DLGAP2: variants seen among roughly 807,000 people sequenced by gnomAD.
DLGAP2 encodes the protein DLG associated protein 2.
In DLGAP2, 26 loss-of-function variants were observed where a neutral mutation model predicts 100.3. The ratio of observed to expected loss-of-function variants is 0.26; its 90% CI spans 0.19 to 0.36. DLGAP2 has a LOEUF of 0.36. DLGAP2 is among the 10% of genes least tolerant of loss of function. The probability of loss-of-function intolerance (pLI) is 1.00; values close to 1 mark genes in which losing one functional copy is unlikely to be tolerated. For missense variants in DLGAP2, 1,858 were observed against 1,453.2 expected (o/e 1.28, Z -4.53); for synonymous variants, 886 against 630.1 (o/e 1.41, Z -6.08).
At chr8:1,479,032 C>G (rs919569599) in intron 3 of DLGAP2, among the ~76,000 whole-genome samples, 1 of 152,256 alleles carries the variant, frequency 6.6e-6, no homozygotes, top group Admixed American at 6.5e-5. Context: ...CTGAAACAAT[C>G]GAAAGGAGCA....
At chr8:803,095 T>C (rs914073763) in intron 1 of DLGAP2, among the ~76,000 whole-genome samples, 6 of 152,152 alleles carry the variant, frequency 3.9e-5, no homozygotes, top group Non-Finnish European at 8.8e-5. Flanking sequence ...TGGTGGCGGC[T>C]TCTGGGCTCC....
chr8:1,703,155 C>CT lies in DLGAP2; in HGVS notation c.*1755dup, dbSNP rs1563073119. On this transcript the variant is annotated 3_prime_UTR_variant, in exon 15 of 15. Transcript: ENST00000637795. ...AAGCATGTTTAGCTTCGAAGTTTTA[C>CT]TTTTTTAAAGCTGAGTAGTTAAGAA... 6.6e-6 allele frequency: 1 copy of CT among 152,582 alleles called. No individual in the cohort carries two copies. The highest frequency in any genetic ancestry group is 2.4e-5 in the African/African-American group (1 of 41,420). The allele number at this position is 152,582 out of a possible 1,614,324, so 9.5% of individuals were successfully genotyped here. A position where few individuals can be genotyped will look rare whatever the true frequency, so the allele number is the denominator to read the frequency against.
At chr8:1,200,206 T>C (rs1302988295) in intron 2 of DLGAP2, among the ~76,000 whole-genome samples, 2 of 152,166 alleles carry the variant, frequency 1.3e-5, no homozygotes, top group Admixed American at 6.5e-5. Context: ...GCACCGGGTG[T>C]CACCTTCCTC....
chr8:774,624 G>C (rs1213247486), intron 1 of DLGAP2, among the ~76,000 whole-genome samples: 1 of 150,756 alleles, frequency 6.6e-6, no homozygotes, highest in South Asian at 2.1e-4. Context: ...CCCATTGCTT[G>C]TTTTTCTCAG....
At chr8:871,826 C>G (rs937643982) in intron 1 of DLGAP2, among the ~76,000 whole-genome samples, 1 of 152,172 alleles carries the variant, frequency 6.6e-6, no homozygotes, top group South Asian at 2.1e-4. Context: ...TGGCGTCTCA[C>G]AGAGAAAGGT....
intron 3 of DLGAP2, among the ~76,000 whole-genome samples, chr8:1,482,065 A>T (rs1284317830): frequency 3.9e-5 from 6 of 152,238 alleles, no homozygotes. Context: ...CTGGAAAATC[A>T]CCATGCTCAC....
chr8:810,336 T>C (rs1796348901), intron 1 of DLGAP2, among the ~76,000 whole-genome samples: 1 of 152,262 alleles, frequency 6.6e-6, no homozygotes, highest in East Asian at 1.9e-4. Context: ...TAGTCATTAA[T>C]TAAAATATTA....
chr8:994,953 G>C (rs1177684570), intron 2 of DLGAP2, among the ~76,000 whole-genome samples: 2 of 152,078 alleles, frequency 1.3e-5, no homozygotes, highest in Non-Finnish European at 2.9e-5. Context: ...GGCATCACGG[G>C]GGCAGGGCAC....
chr8:1,087,150 G>C (rs1200974973), intron 2 of DLGAP2, among the ~76,000 whole-genome samples: 1 of 152,178 alleles, frequency 6.6e-6, no homozygotes, highest in Non-Finnish European at 1.5e-5. Context: ...GTGCAGAAAA[G>C]AGAAATTAAT....
At chr8:1,174,257 CCCATCACCA>C (rs1041628968) in intron 2 of DLGAP2, among the ~76,000 whole-genome samples, 7 of 152,022 alleles carry the variant, frequency 4.6e-5, no homozygotes, top group African/African-American at 9.7e-5. Flanking sequence ...TACCCACATA[CCCATCACCA>C]CCATCACCAC....
intron 2 of DLGAP2, among the ~76,000 whole-genome samples, chr8:1,108,965 G>A (rs1169239134): frequency 7.0e-6 from 1 of 142,466 alleles, no homozygotes; most frequent in Non-Finnish European, 1.5e-5. Context: ...GGTCTGTGAG[G>A]TGTGTACGGG....
At chr8:852,790 A>G (rs1050884209) in intron 1 of DLGAP2, among the ~76,000 whole-genome samples, 23 of 152,224 alleles carry the variant, frequency 1.5e-4, no homozygotes, top group Non-Finnish European at 2.9e-4. Flanking sequence ...TAAGTAGCAC[A>G]GTTTCATTCT....
chr8:940,368 G>T (rs1799167400), intron 2 of DLGAP2, among the ~76,000 whole-genome samples: 1 of 151,978 alleles, frequency 6.6e-6, no homozygotes, highest in Non-Finnish European at 1.5e-5. Flanking sequence ...GAGAGAGAGA[G>T]AGAGGGAGAG....
At chr8:1,094,352 A>C (rs796696487) in intron 2 of DLGAP2, among the ~76,000 whole-genome samples, 4 of 152,366 alleles carry the variant, frequency 2.6e-5, no homozygotes, top group South Asian at 2.1e-4. Context: ...GGAGTTAGAA[A>C]GTCACAAGGT....
At chr8:1,519,957 G>A (rs1800530004) in intron 4 of DLGAP2, among the ~76,000 whole-genome samples, 1 of 152,212 alleles carries the variant, frequency 6.6e-6, no homozygotes, top group Non-Finnish European at 1.5e-5. Context: ...GGGAGCCTCG[G>A]TTTCCAGTCT....
At chr8:923,281 G>A (rs572805809) in intron 2 of DLGAP2, among the ~76,000 whole-genome samples, 7 of 152,188 alleles carry the variant, frequency 4.6e-5, no homozygotes, top group Non-Finnish European at 1.0e-4. Flanking sequence ...GAGACGGCTG[G>A]TCTGTGTCAG....
chr8:1,258,819 G>A, intron 2 of DLGAP2, 32 bp from the exon 3 acceptor site: 1 of 1,231,542 alleles, frequency 8.1e-7, no homozygotes, highest in Non-Finnish European at 1.0e-6. Flanking sequence ...GACCCTGTGG[G>A]TGTAACAGCT....
chr8:738,071 G>C (rs1359835593), intron 1 of DLGAP2: 1 of 276,992 alleles, frequency 3.6e-6, no homozygotes, highest in Non-Finnish European at 6.7e-6. Flanking sequence ...GCTCGGGGGT[G>C]CCGGGACCCT....
intron 3 of DLGAP2, among the ~76,000 whole-genome samples, chr8:1,319,798 G>A (rs149759342): frequency 3.0e-4 from 45 of 152,268 alleles, no homozygotes; most frequent in Middle Eastern, 6.8e-3. Context: ...GCCAGAGACC[G>A]GAAGGAAACG....
Sources: gnomAD v4.1 joint callset for allele counts (sites outside exome capture counted in the v4.1 genomes callset) on GRCh38, gnomAD v4.1.1 for gene constraint, MANE v1.5 for transcripts, NCBI Gene and HGNC (gene_info 2026-07-23, HGNC 2026-07-21) for gene names.